The following RBFOX1 variants were observed in gnomAD, a reference collection of about 807,000 sequenced individuals.
RBFOX1 encodes the protein RNA binding fox-1 homolog 1, also known as RNA binding protein fox-1 homolog 1.
Under a neutral mutation model 57.7 loss-of-function variants are expected in RBFOX1, and 8 were observed. That is an observed-to-expected ratio of 0.14 (90% CI 0.08 to 0.25). The LOEUF (loss-of-function observed/expected upper bound fraction) is 0.25. Among genes scored for constraint, RBFOX1 ranks in the 10% least tolerant of loss-of-function variants. RBFOX1 has a pLI of 1.00. For missense variants in RBFOX1, 611 were observed against 548.5 expected, an observed-to-expected ratio of 1.11 and a Z score of -1.14; for synonymous variants, 326 against 222.4, an observed-to-expected ratio of 1.47 and a Z score of -4.15.
At chr16:7,651,022 G>A (rs2064934476) in intron 11 of RBFOX1, among the ~76,000 whole-genome samples, 2 of 151,934 alleles carry the variant, frequency 1.3e-5, no homozygotes, top group Non-Finnish European at 2.9e-5. Context: ...GCTAGGAGCT[G>A]GCAAAAAAAG....
At chr16:6,655,603 C>T (rs1250749165) in intron 3 of RBFOX1, among the ~76,000 whole-genome samples, 1 of 152,074 alleles carries the variant, frequency 6.6e-6, no homozygotes, top group East Asian at 1.9e-4. Flanking sequence ...AATATTTTCA[C>T]AGTCTCTTTT....
At chr16:5,738,149 C>G (rs1476306267) in intron 3 of RBFOX1, among the ~76,000 whole-genome samples, 1 of 151,866 alleles carries the variant, frequency 6.6e-6, no homozygotes, top group East Asian at 1.9e-4. Context: ...GAATGATCTT[C>G]TGGTCTTTAA....
chr16:6,313,119 C>T (rs1185474268), intron 1 of RBFOX1, among the ~76,000 whole-genome samples: 1 of 152,080 alleles, frequency 6.6e-6, no homozygotes, highest in Non-Finnish European at 1.5e-5. Flanking sequence ...ATCCCTGTGG[C>T]AGGTGAGGAG....
chr16:6,131,079 T>C (rs896102333), intron 1 of RBFOX1, among the ~76,000 whole-genome samples: 9 of 152,198 alleles, frequency 5.9e-5, no homozygotes, highest in African/African-American at 2.2e-4. Flanking sequence ...TCCATTTATA[T>C]GATGCTCAAG....
intron 4 of RBFOX1, among the ~76,000 whole-genome samples, chr16:7,096,793 G>C (rs1051315133): frequency 6.6e-6 from 1 of 151,904 alleles, no homozygotes; most frequent in African/African-American, 2.4e-5. Flanking sequence ...TTAGTTGGGA[G>C]TGATGGCTCT....
intron 4 of RBFOX1, among the ~76,000 whole-genome samples, chr16:5,995,516 T>C (rs1454299800): frequency 6.6e-6 from 1 of 152,132 alleles, no homozygotes; most frequent in South Asian, 2.1e-4. Context: ...TTATGCCAAG[T>C]GGAATAAGGA....
At chr16:7,268,140 C>G (rs74487010) in intron 4 of RBFOX1, among the ~76,000 whole-genome samples, 4,851 of 152,220 alleles carry the variant, frequency 0.032, 83 homozygotes, top group South Asian at 0.064. Flanking sequence ...TGTCCCTGCA[C>G]CTCAATATAG....
At chr16:5,529,053 C>T (rs901187033) in intron 2 of RBFOX1, among the ~76,000 whole-genome samples, 1 of 152,032 alleles carries the variant, frequency 6.6e-6, no homozygotes, top group Admixed American at 6.6e-5. Context: ...CTGCTTGTGC[C>T]AAGACCTGCT....
chr16:7,171,292 G>A (rs532329662), intron 4 of RBFOX1, among the ~76,000 whole-genome samples: 2 of 152,318 alleles, frequency 1.3e-5, no homozygotes, highest in African/African-American at 4.8e-5. Context: ...TCCCTATGAT[G>A]AGGACTGCAG....
rs559667454 is a variant in RBFOX1, at chr16:7,484,910, G to A, written c.28-33237G>A. ...TAAGGATATTGTCAGTATCAGGAAAGTAAAGAAGACATTTGTCCCAACCCA... is the reference window on the plus strand; with the variant it reads ...TAAGGATATTGTCAGTATCAGGAAAATAAAGAAGACATTTGTCCCAACCCA... On this transcript the variant is annotated intron_variant, in intron 4 of 15. Transcript: ENST00000550418. 2.6e-5 allele frequency among the ~76,000 whole-genome samples: 4 copies of A among 152,298 alleles called. No homozygotes were observed. The South Asian group carries it at 8.3e-4, about 32-fold the overall frequency.
chr16:6,037,150 C>G (rs2095375709), intron 1 of RBFOX1: 1 of 152,072 alleles, frequency 6.6e-6, no homozygotes, highest in Admixed American at 6.5e-5. Context: ...GTCTTAAAGT[C>G]CAATTATTTA....
intron 2 of RBFOX1, among the ~76,000 whole-genome samples, chr16:5,484,779 G>A (rs1015304957): frequency 1.5e-4 from 23 of 151,970 alleles, no homozygotes; most frequent in African/African-American, 5.6e-4. Context: ...AGGCGTGGTG[G>A]CGGGCACCTG....
At chr16:6,514,797 A>G (rs1385737575) in intron 2 of RBFOX1, among the ~76,000 whole-genome samples, 1 of 152,002 alleles carries the variant, frequency 6.6e-6, no homozygotes, top group African/African-American at 2.4e-5. Context: ...ATGGAGAAAA[A>G]TGGTGTCTCC....
At chr16:5,588,261 G>C (rs946838351) in intron 2 of RBFOX1, among the ~76,000 whole-genome samples, 1 of 152,066 alleles carries the variant, frequency 6.6e-6, no homozygotes, top group African/African-American at 2.4e-5. Flanking sequence ...TGATGAAAAC[G>C]TTGTAAAAAT....
At chr16:6,343,234 T>C (rs2084842050) in intron 2 of RBFOX1, among the ~76,000 whole-genome samples, 1 of 151,822 alleles carries the variant, frequency 6.6e-6, no homozygotes, top group Non-Finnish European at 1.5e-5. Flanking sequence ...ACATTCTTAC[T>C]CTACAGTCAT....
At chr16:6,776,575 T>C (rs1352805690) in intron 3 of RBFOX1, among the ~76,000 whole-genome samples, 2 of 152,116 alleles carry the variant, frequency 1.3e-5, no homozygotes, top group African/African-American at 4.8e-5. Context: ...ACACTGTTTG[T>C]TGGATGATTT....
At chr16:5,849,910 C>A (rs533372883) in intron 3 of RBFOX1, among the ~76,000 whole-genome samples, 4 of 152,190 alleles carry the variant, frequency 2.6e-5, no homozygotes, top group Non-Finnish European at 5.9e-5. Flanking sequence ...CCAGCAGCTC[C>A]CTGCTCCTAA....
intron 1 of RBFOX1, among the ~76,000 whole-genome samples, chr16:5,421,542 T>G (rs1171958682): frequency 6.6e-6 from 1 of 151,816 alleles, no homozygotes; most frequent in African/African-American, 2.4e-5. Flanking sequence ...CCTGAGGAGG[T>G]AAGGGAAGCC....
At chr16:7,091,862 G>A (rs1232966478) in intron 4 of RBFOX1, among the ~76,000 whole-genome samples, 1 of 152,220 alleles carries the variant, frequency 6.6e-6, no homozygotes, top group East Asian at 1.9e-4. Context: ...CAGAGATTAT[G>A]CAGAAGTTGC....
Sources: allele counts gnomAD v4.1 joint callset (sites outside exome capture counted in the v4.1 genomes callset), GRCh38; gene constraint gnomAD v4.1.1; transcripts MANE v1.5; gene names NCBI Gene and HGNC (gene_info 2026-07-23, HGNC 2026-07-21).